Variants in STPG2 observed in about 807,000 individuals in gnomAD.
STPG2 encodes sperm-tail PG-rich repeat-containing protein 2.
STPG2 carries 56 observed loss-of-function variants against 54.2 expected under a neutral mutation model. That is an observed-to-expected ratio of 1.03 (90% confidence interval 0.83 to 1.29). STPG2 has a LOEUF of 1.29. STPG2 is among the 50% of genes most tolerant of loss of function. The pLI is 0.00. For missense variants in STPG2, 596 were observed against 544.9 expected (o/e 1.09, Z -0.93); for synonymous variants, 200 against 181.8 (o/e 1.10, Z -0.81).
rs181625740 is a variant in STPG2, at chr4:97,877,708, A to G, written c.1045-36776T>C. 4.2e-3 allele frequency among the ~76,000 whole-genome samples: 643 copies of G among 152,218 alleles called. 3 individuals carry two copies. The highest frequency in any genetic ancestry group is 0.024 in the South Asian group (117 of 4,810). ...GGAATTACGGGAGCTACAATTCAAG[A>G]TGGGATTTGTGTGGGGACACAGCCA... On this transcript the variant is annotated intron_variant, in intron 8 of 10. Transcript: ENST00000295268.
chr4:97,498,802 C>G (rs548672970), intron 4 of STPG2, among the ~76,000 whole-genome samples: 11 of 151,630 alleles, frequency 7.3e-5, no homozygotes, highest in Non-Finnish European at 1.5e-4. Flanking sequence ...TGAAAAGTCT[C>G]TCTCCCACAA....
chr4:98,115,717 G>A (rs10470950), intron 3 of STPG2, among the ~76,000 whole-genome samples: 7,957 of 151,904 alleles, frequency 0.052, 244 homozygotes, highest in Middle Eastern at 0.092. Context: ...CAGAATTATC[G>A]AAAATTCAGA....
intron 9 of STPG2, among the ~76,000 whole-genome samples, chr4:97,827,344 T>C (rs1430423549): frequency 1.3e-5 from 2 of 151,278 alleles, no homozygotes; most frequent in African/African-American, 4.9e-5. Flanking sequence ...CACGCCATTC[T>C]CCTGCCTCAG....
intron 9 of STPG2, among the ~76,000 whole-genome samples, chr4:97,817,739 C>G (rs1342966839): frequency 1.3e-5 from 2 of 152,044 alleles, no homozygotes; most frequent in Non-Finnish European, 2.9e-5. Context: ...TGATAAGAAG[C>G]CTTTTAACTC....
In STPG2 at chr4:97,583,700, G is replaced by A. The variant is rs1732921969; in HGVS notation, c.1321-24583C>T. 2.0e-5 allele frequency among the ~76,000 whole-genome samples: 3 copies of A among 151,830 alleles called. No individual in the cohort carries two copies. In the South Asian group the frequency reaches 6.2e-4, roughly 31 times the overall value. Reference sequence around the variant, plus strand: ...ATGTAAAAAGATATTCCATGCAATGGAAACCAAAGGTGAGCAGGTATAGCT... The same window carrying A: ...ATGTAAAAAGATATTCCATGCAATGAAAACCAAAGGTGAGCAGGTATAGCT... On this transcript the variant is annotated intron_variant, in intron 10 of 10. Coordinates refer to ENST00000295268, the MANE Select transcript of STPG2 (RefSeq NM_174952.3).
chr4:97,836,440 C>G (rs948074115), intron 9 of STPG2, among the ~76,000 whole-genome samples: 3 of 151,826 alleles, frequency 2.0e-5, no homozygotes, highest in Non-Finnish European at 4.4e-5. Context: ...TGCTATCGCA[C>G]ACTTAATAGA....
chr4:97,832,861 G>A (rs1051904797), intron 9 of STPG2, among the ~76,000 whole-genome samples: 10 of 152,030 alleles, frequency 6.6e-5, no homozygotes, highest in Non-Finnish European at 1.3e-4. Context: ...AAATAAGAGA[G>A]GACACAAATA....
chr4:97,658,745 ATTAAATTTTCT>A (rs771146003), intron 10 of STPG2, among the ~76,000 whole-genome samples: 1 of 152,216 alleles, frequency 6.6e-6, no homozygotes, highest in African/African-American at 2.4e-5. Flanking sequence ...TTTCTAAGAA[ATTAAATTTTCT>A]TTAAAAAGTT....
intron 4 of STPG2, among the ~76,000 whole-genome samples, chr4:97,508,907 T>A (rs1730909987): frequency 6.6e-6 from 1 of 152,146 alleles, no homozygotes; most frequent in South Asian, 2.1e-4. Context: ...ATCTCTTGCA[T>A]CATAAAAATT....
At chr4:98,119,532 T>C (rs1392995556) in intron 3 of STPG2, among the ~76,000 whole-genome samples, 1 of 152,102 alleles carries the variant, frequency 6.6e-6, no homozygotes, top group Non-Finnish European at 1.5e-5. Context: ...TTGAGGTAAT[T>C]AGCAATATTT....
At chr4:97,790,076 T>G (rs1478654529) in intron 9 of STPG2, among the ~76,000 whole-genome samples, 1 of 152,188 alleles carries the variant, frequency 6.6e-6, no homozygotes, top group Non-Finnish European at 1.5e-5. Context: ...CTTGTGACTT[T>G]GCATTTATGT....
intron 8 of STPG2, among the ~76,000 whole-genome samples, chr4:97,848,552 G>A (rs1729041275): frequency 2.0e-5 from 3 of 152,024 alleles, no homozygotes; most frequent in Non-Finnish European, 4.4e-5. Context: ...TCGTATTTAG[G>A]TTGTGACCCT....
intron 9 of STPG2, among the ~76,000 whole-genome samples, chr4:97,764,818 T>C (rs1423211508): frequency 6.6e-6 from 1 of 152,120 alleles, no homozygotes; most frequent in Non-Finnish European, 1.5e-5. Flanking sequence ...CTAAATTCCA[T>C]GGAGTCTCAG....
intron 5 of STPG2, among the ~76,000 whole-genome samples, chr4:98,049,483 A>T (rs1221240250): frequency 6.6e-6 from 1 of 152,216 alleles, no homozygotes; most frequent in Admixed American, 6.5e-5. Flanking sequence ...ACTATCAAAA[A>T]CAGAACATAT....
At chr4:97,903,827 A>G (rs1731277566) in intron 8 of STPG2, among the ~76,000 whole-genome samples, 1 of 152,198 alleles carries the variant, frequency 6.6e-6, no homozygotes, top group Non-Finnish European at 1.5e-5. Flanking sequence ...CTAGTCAAAA[A>G]AAGGGGTGAC....
chr4:97,833,404 C>T (rs1183773373), intron 9 of STPG2, among the ~76,000 whole-genome samples: 3 of 151,984 alleles, frequency 2.0e-5, no homozygotes, highest in Non-Finnish European at 4.4e-5. Context: ...ATAAAAACCC[C>T]AGAAGAAAAC....
chr4:97,894,487 TG>T (rs1285092644), intron 8 of STPG2, among the ~76,000 whole-genome samples: 1 of 152,084 alleles, frequency 6.6e-6, no homozygotes, highest in South Asian at 2.1e-4. Flanking sequence ...CTGTCTACTT[TG>T]GCTGTAACTT....
intron 9 of STPG2, among the ~76,000 whole-genome samples, chr4:97,835,540 G>A (rs1370056149): frequency 6.6e-6 from 1 of 152,076 alleles, no homozygotes; most frequent in African/African-American, 2.4e-5. Flanking sequence ...GAGCTCTGAT[G>A]GAGATGCACA....
At chr4:97,736,738 C>G (rs187762028) in intron 9 of STPG2, among the ~76,000 whole-genome samples, 3 of 152,328 alleles carry the variant, frequency 2.0e-5, no homozygotes, top group Non-Finnish European at 4.4e-5. Flanking sequence ...CACCACAGCT[C>G]AAGGAGGCCT....
Sources: gnomAD v4.1 joint callset for allele counts (sites outside exome capture counted in the v4.1 genomes callset) on GRCh38, gnomAD v4.1.1 for gene constraint, MANE v1.5 for transcripts, NCBI Gene and HGNC (gene_info 2026-07-23, HGNC 2026-07-21) for gene names.